MAGI1: variants seen among roughly 807,000 people sequenced by gnomAD.
MAGI1 encodes membrane associated guanylate kinase, WW and PDZ domain containing 1.
In MAGI1, 58 loss-of-function variants were observed where a neutral mutation model predicts 139.9. The observed-to-expected ratio is 0.41, with a 90% CI of 0.34 to 0.52. The LOEUF (loss-of-function observed/expected upper bound fraction) is 0.52, where lower values mean the gene tolerates loss of function less well. MAGI1 is among the 20% of genes least tolerant of loss of function. The pLI is 0.12. For synonymous variants in MAGI1, 812 were observed against 737.9 expected, an observed-to-expected ratio of 1.10 and a Z score of -1.63; for missense variants, 1,874 against 1,901.6, an observed-to-expected ratio of 0.99 and a Z score of 0.27.
At chr3:65,490,139 G>A (rs975444222) in intron 3 of MAGI1, among the ~76,000 whole-genome samples, 14 of 152,314 alleles carry the variant, frequency 9.2e-5, no homozygotes, top group African/African-American at 3.1e-4. Flanking sequence ...AAATACAAAA[G>A]CTAATGCTGA....
intron 18 of MAGI1, 79 bp from the exon 19 acceptor site, chr3:65,365,025 G>T: frequency 9.4e-7 from 1 of 1,060,310 alleles, no homozygotes; most frequent in South Asian, 1.3e-5. Flanking sequence ...CAGAAGCCCT[G>T]TATCTGAATA....
chr3:65,825,816 C>T (rs774331277), intron 1 of MAGI1, among the ~76,000 whole-genome samples: 1 of 151,926 alleles, frequency 6.6e-6, no homozygotes, highest in Non-Finnish European at 1.5e-5. Flanking sequence ...GGTGAAACCC[C>T]GTCTCCACTA....
At chr3:65,498,960 G>A (rs970312762) in intron 2 of MAGI1, 10 of 974,324 alleles carry the variant, frequency 1.0e-5, no homozygotes, top group Non-Finnish European at 9.8e-6. Context: ...ACTACATCCA[G>A]TACCATGTCC....
intron 2 of MAGI1, among the ~76,000 whole-genome samples, chr3:65,508,441 G>T (rs1251127594): frequency 1.3e-5 from 2 of 152,054 alleles, no homozygotes; most frequent in South Asian, 2.1e-4. Flanking sequence ...AAATCAAGTA[G>T]CTTTTATTAT....
At chr3:65,867,188 G>C (rs2059759156) in intron 1 of MAGI1, among the ~76,000 whole-genome samples, 1 of 152,150 alleles carries the variant, frequency 6.6e-6, no homozygotes, top group Non-Finnish European at 1.5e-5. Context: ...CCCAGAGTAA[G>C]CATTTGGCAC....
rs139234987 is a variant in MAGI1, at chr3:65,684,600, G to A, written c.314-62512C>T. The stretch of plus-strand genomic sequence containing the variant: ...ATCTTGACTGTGGTTGTAGATACAT[G>A]AACCTACATGGGTGAAAAAATTGTG... On this transcript the variant is annotated intron_variant, in intron 1 of 22. Transcript: ENST00000402939. 8.3e-3 allele frequency among the ~76,000 whole-genome samples: 1,260 copies of A among 152,238 alleles called. 18 individuals carry two copies. Among genetic ancestry groups the A allele is most frequent in the African/African-American group, 0.028 (1,182 of 41,516 alleles).
intron 1 of MAGI1, among the ~76,000 whole-genome samples, chr3:65,925,960 G>A (rs867077588): frequency 6.6e-6 from 1 of 152,176 alleles, no homozygotes; most frequent in Non-Finnish European, 1.5e-5. Flanking sequence ...TTACAGGCGT[G>A]AGCCACTGCA....
At chr3:65,527,451 C>T (rs754050795) in intron 2 of MAGI1, among the ~76,000 whole-genome samples, 12 of 151,934 alleles carry the variant, frequency 7.9e-5, no homozygotes, top group South Asian at 2.1e-4. Flanking sequence ...GTTGGCCGGG[C>T]GTGGTGGCTC....
At chr3:65,870,749 T>G (rs1248682239) in intron 1 of MAGI1, among the ~76,000 whole-genome samples, 1 of 147,438 alleles carries the variant, frequency 6.8e-6, no homozygotes, top group Non-Finnish European at 1.5e-5. Context: ...GAAAAGGAAA[T>G]GAAGAAAGAC....
intron 1 of MAGI1, among the ~76,000 whole-genome samples, chr3:65,722,021 GA>G (rs2033090198): frequency 6.6e-6 from 1 of 151,982 alleles, no homozygotes. Context: ...TTTCCACTAT[GA>G]GTTCCCTGTT....
At chr3:65,878,800 G>C (rs952220848) in intron 1 of MAGI1, among the ~76,000 whole-genome samples, 5 of 152,248 alleles carry the variant, frequency 3.3e-5, no homozygotes, top group Admixed American at 3.3e-4. Context: ...CTCAAAGGAA[G>C]GCTGCCTGGA....
chr3:65,495,323 G>C (rs1204956345), intron 2 of MAGI1, among the ~76,000 whole-genome samples: 1 of 152,014 alleles, frequency 6.6e-6, no homozygotes, highest in African/African-American at 2.4e-5. Flanking sequence ...CTTTTTGAGG[G>C]CTTTGCTCAA....
chr3:65,909,350 A>G (rs1575984345), intron 1 of MAGI1, among the ~76,000 whole-genome samples: 1 of 148,590 alleles, frequency 6.7e-6, no homozygotes, highest in Admixed American at 6.8e-5. Context: ...CAAAGTTGAG[A>G]CCCCATCTCT....
chr3:65,549,589 C>A, intron 2 of MAGI1: 1 of 507,342 alleles, frequency 2.0e-6, no homozygotes, highest in Non-Finnish European at 2.5e-6. Flanking sequence ...GCGGCAGCGG[C>A]GTCAATGCGC....
chr3:65,673,851 C>A (rs2087011662), intron 1 of MAGI1, among the ~76,000 whole-genome samples: 1 of 152,170 alleles, frequency 6.6e-6, no homozygotes, highest in Non-Finnish European at 1.5e-5. Flanking sequence ...GTCCTAAAAG[C>A]TTATCTACTC....
At chr3:65,431,716 G>A (rs1947468997) in intron 10 of MAGI1, among the ~76,000 whole-genome samples, 1 of 152,058 alleles carries the variant, frequency 6.6e-6, no homozygotes, top group African/African-American at 2.4e-5. Flanking sequence ...TGGGGGTGTG[G>A]TGGCTCATGC....
chr3:65,730,497 G>A (rs896180559), intron 1 of MAGI1, among the ~76,000 whole-genome samples: 3 of 152,132 alleles, frequency 2.0e-5, no homozygotes, highest in South Asian at 2.1e-4. Context: ...TTCCCCTCAC[G>A]TCTCATTGGC....
intron 1 of MAGI1, among the ~76,000 whole-genome samples, chr3:65,965,660 T>C (rs535792494): frequency 3.1e-4 from 45 of 145,066 alleles, no homozygotes; most frequent in African/African-American, 1.1e-3. Context: ...TGTTTCACCC[T>C]TTTTTTTTTT....
intron 1 of MAGI1, among the ~76,000 whole-genome samples, chr3:65,827,770 G>A (rs1187573691): frequency 6.6e-6 from 1 of 152,116 alleles, no homozygotes; most frequent in Non-Finnish European, 1.5e-5. Context: ...ATTACAGAGA[G>A]GGATATTTTT....
Sources: allele counts gnomAD v4.1 joint callset (sites outside exome capture counted in the v4.1 genomes callset), GRCh38; gene constraint gnomAD v4.1.1; transcripts MANE v1.5; gene names NCBI Gene and HGNC (gene_info 2026-07-23, HGNC 2026-07-21).